The following ZDHHC20 variants were observed in gnomAD, a reference collection of about 807,000 sequenced individuals.
ZDHHC20 encodes zDHHC palmitoyltransferase 20.
Under a neutral mutation model 57.8 loss-of-function variants are expected in ZDHHC20, and 43 were observed. The ratio of observed to expected loss-of-function variants is 0.74; its 90% CI spans 0.58 to 0.96. The LOEUF (loss-of-function observed/expected upper bound fraction) is 0.96, where lower values mean the gene tolerates loss of function less well. Among genes scored for constraint, ZDHHC20 ranks in the 40% least tolerant of loss-of-function variants. The pLI is 0.00. For missense variants in ZDHHC20, 391 were observed against 441.1 expected (o/e 0.89, Z 1.02); for synonymous variants, 157 against 153.0 (o/e 1.03, Z -0.19).
rs926929773 is a variant in ZDHHC20, at chr13:21,391,331, T to C, written c.727+391A>G. ...AGGAAAGTTTTCATTTATTAAAATT[T>C]ATAAAATAGTTCTCCACTTTTATAT... On this transcript the variant is annotated intron_variant, in intron 8 of 12. Coordinates refer to ENST00000400590, the MANE Select transcript of ZDHHC20 (RefSeq NM_001330059.2). Among the ~76,000 whole-genome samples the C allele has an allele frequency of 5.3e-5, 8 of 152,356 alleles. No homozygotes were observed. The South Asian group carries it at 8.3e-4, about 16-fold the overall frequency.
At chr13:21,405,271 TTAAAA>T (rs1391966123) in intron 4 of ZDHHC20, among the ~76,000 whole-genome samples, 1 of 152,210 alleles carries the variant, frequency 6.6e-6, no homozygotes, top group Non-Finnish European at 1.5e-5. Flanking sequence ...ATTTAAGCCT[TTAAAA>T]TAAAATATTC....
intron 1 of ZDHHC20, among the ~76,000 whole-genome samples, chr13:21,431,331 C>T (rs1479556824): frequency 6.6e-6 from 1 of 152,140 alleles, no homozygotes; most frequent in Admixed American, 6.5e-5. Flanking sequence ...GAGACTCATT[C>T]ACTACCACGA....
At chr13:21,445,230 T>C (rs1883572285) in intron 1 of ZDHHC20, among the ~76,000 whole-genome samples, 1 of 152,132 alleles carries the variant, frequency 6.6e-6, no homozygotes, top group Non-Finnish European at 1.5e-5. Flanking sequence ...TATTAAATAT[T>C]TTAATGGACA....
Position 21,375,351 on chromosome 13 carries a change from GT to G in ZDHHC20, c.*1344del. ...AGCAATCAATTATTTTGGGGGGGGT[GT>G]GTGTGTGTGTGTGTCTGTCTGTCTA... On this transcript the variant is annotated 3_prime_UTR_variant, in exon 13 of 13. Transcript: ENST00000400590. 5.7e-6 allele frequency: 2 copies of G among 347,970 alleles called. No homozygotes were observed. The highest frequency in any genetic ancestry group is 4.3e-5 in the South Asian group (2 of 45,992). 21.6% of individuals were successfully genotyped at this position (347,970 alleles called of 1,614,324 possible).
At chr13:21,454,580 G>A (rs1764576106) in intron 1 of ZDHHC20, among the ~76,000 whole-genome samples, 1 of 151,838 alleles carries the variant, frequency 6.6e-6, no homozygotes, top group South Asian at 2.1e-4. Context: ...TCTAGAAAAA[G>A]AGCATATTAA....
chr13:21,409,466 AT>A (rs1389158719), intron 4 of ZDHHC20, among the ~76,000 whole-genome samples: 1 of 151,606 alleles, frequency 6.6e-6, no homozygotes, highest in Admixed American at 6.6e-5. Context: ...CCCCTTTATC[AT>A]TTTTTTATTG....
At chr13:21,395,873 C>G (rs572617211) in intron 7 of ZDHHC20, among the ~76,000 whole-genome samples, 23 of 152,226 alleles carry the variant, frequency 1.5e-4, no homozygotes, top group African/African-American at 5.5e-4. Flanking sequence ...AACTGCCCCT[C>G]CCCAGGCTAG....
chr13:21,447,337 T>C (rs1286176057), intron 1 of ZDHHC20, among the ~76,000 whole-genome samples: 4 of 150,002 alleles, frequency 2.7e-5, no homozygotes, highest in East Asian at 2.0e-4. Flanking sequence ...CTCCCTCTCA[T>C]GTGGAGCCGA....
intron 1 of ZDHHC20, among the ~76,000 whole-genome samples, chr13:21,436,339 T>C (rs1281722851): frequency 6.6e-6 from 1 of 152,254 alleles, no homozygotes; most frequent in African/African-American, 2.4e-5. Flanking sequence ...CTTTGATTTA[T>C]TGTGCTTTGC....
At chr13:21,416,912 C>G (rs1880050974) in intron 3 of ZDHHC20, among the ~76,000 whole-genome samples, 1 of 152,150 alleles carries the variant, frequency 6.6e-6, no homozygotes. Context: ...ACGAACATGA[C>G]CTTTATCTTA....
At chr13:21,383,130 A>G in intron 9 of ZDHHC20, 121 bp from the exon 10 acceptor site, 1 of 913,924 alleles carries the variant, frequency 1.1e-6, no homozygotes, top group Non-Finnish European at 1.7e-6. Context: ...TAAGGAAGTA[A>G]CTCCTAAAAT....
At position 21,387,623 on chromosome 13, in the gene ZDHHC20, C is replaced by T. The variant is rs375439793; in HGVS notation, c.739G>A (p.Ala247Thr). The T allele has an allele frequency of 3.7e-5, 54 of 1,460,202 alleles. No homozygotes were observed. The highest frequency in any genetic ancestry group is 2.5e-4 in the African/African-American group (17 of 69,354). 90.5% of individuals were successfully genotyped at this position (1,460,202 alleles called of 1,614,324 possible). ...KNRTTIESFRAPTFSYGPDGN... is the reference protein window; with the variant it reads ...KNRTTIESFRTPTFSYGPDGN... ...TCAGGTCCGTATGAAAACGTGGGTG[C>T]GCGGAATGATTCTGTTAAATATACA... Residue 247 changes from alanine to threonine, a missense_variant, in exon 9 of 13, where the codon GCA (alanine) becomes ACA (threonine). By Grantham distance (58) the Ala-to-Thr change is moderately conservative (BLOSUM62 0). Coordinates refer to ENST00000400590, the MANE Select transcript of ZDHHC20 (RefSeq NM_001330059.2).
Position 21,376,363 on chromosome 13 carries a change from T to C in ZDHHC20, c.*333A>G. ...TAATTCAGGTATCAAAAAATACATA[T>C]GCATGTTAAAATGTGATGACAGCTC... On this transcript the variant is annotated 3_prime_UTR_variant, in exon 13 of 13. Coordinates refer to ENST00000400590, the MANE Select transcript of ZDHHC20 (RefSeq NM_001330059.2). 1 of 223,620 alleles carries C rather than the reference T, an allele frequency of 4.5e-6. No homozygotes were observed. The highest frequency in any genetic ancestry group is 8.7e-6 in the Non-Finnish European group (1 of 114,676). The allele number at this position is 223,620 out of a possible 1,614,324, so 13.9% of individuals were successfully genotyped here.
chr13:21,427,953 T>C (rs116502868), intron 1 of ZDHHC20, among the ~76,000 whole-genome samples: 1,509 of 148,614 alleles, frequency 0.01, 22 homozygotes, highest in African/African-American at 0.034. Context: ...CAACACTTTA[T>C]ACTTTCCCTT....
At chr13:21,439,807 C>T (rs1313017374) in intron 1 of ZDHHC20, among the ~76,000 whole-genome samples, 4 of 152,046 alleles carry the variant, frequency 2.6e-5, no homozygotes, top group Admixed American at 2.6e-4. Context: ...TGGCTCATGC[C>T]TGTAATACCA....
intron 7 of ZDHHC20, among the ~76,000 whole-genome samples, chr13:21,399,141 G>A (rs1213179407): frequency 2.0e-5 from 3 of 152,036 alleles, no homozygotes; most frequent in African/African-American, 7.2e-5. Flanking sequence ...TCAGGAGCTC[G>A]AGACCAGCCT....
intron 1 of ZDHHC20, among the ~76,000 whole-genome samples, chr13:21,433,086 T>A (rs1010712360): frequency 6.6e-6 from 1 of 152,206 alleles, no homozygotes; most frequent in Non-Finnish European, 1.5e-5. Flanking sequence ...TTCAAAAGTA[T>A]TTTGGCTATT....
intron 1 of ZDHHC20, among the ~76,000 whole-genome samples, chr13:21,452,930 G>C (rs931322745): frequency 1.3e-5 from 2 of 152,042 alleles, no homozygotes; most frequent in African/African-American, 2.4e-5. Context: ...GAACAAAGAA[G>C]AGGACAGACA....
chr13:21,458,819 C>G (rs944593291), intron 1 of ZDHHC20, among the ~76,000 whole-genome samples: 1 of 152,226 alleles, frequency 6.6e-6, no homozygotes, highest in African/African-American at 2.4e-5. Context: ...TGGGCCAGAC[C>G]TGCACCCGGG....
Sources: gnomAD v4.1 joint callset for allele counts (sites outside exome capture counted in the v4.1 genomes callset) on GRCh38, gnomAD v4.1.1 for gene constraint, MANE v1.5 for transcripts, NCBI Gene and HGNC (gene_info 2026-07-23, HGNC 2026-07-21) for gene names.